RCC2: variants seen among roughly 807,000 people sequenced by gnomAD.
RCC2 encodes protein RCC2.
A neutral mutation model predicts 64.1 loss-of-function variants in RCC2; 19 were observed. The ratio of observed to expected loss-of-function variants is 0.30; its 90% CI spans 0.21 to 0.44. The LOEUF is 0.44. Ranked by LOEUF, RCC2 falls within the 20% of genes least tolerant of loss-of-function variation. The pLI is 1.00. For missense variants in RCC2, 508 were observed against 710.4 expected (o/e 0.72, Z 3.24); for synonymous variants, 325 against 279.6 (o/e 1.16, Z -1.62).
Position 17,413,594 on chromosome 1 carries a change from G to C in RCC2, c.1150C>G (p.Arg384Gly), listed in dbSNP as rs759823799. The part of the protein sequence containing the change: ...RLVKLFDFPG[R>G]GASQIYAGYT... ...CCAGCATAGATCTGGGAAGCCCCAC[G>C]CCCAGGGAAGTCAAACAGCTTCACC... The change falls in exon 9 of 13, where the codon CGT becomes GGT. Residue 384 changes from arginine (R) to glycine (G), a missense_variant. Arg to Gly is a moderately radical substitution (Grantham distance 125, BLOSUM62 -2). Around this residue, in one of 4 missense-constraint regions of RCC2, gnomAD observed 179 missense variants for 322.0 expected, o/e 0.56. Transcript: ENST00000375436. 1 of 1,614,012 alleles carries C rather than the reference G, an allele frequency of 6.2e-7. No individual in the cohort carries two copies. Among genetic ancestry groups the C allele is most frequent in the East Asian group, 2.2e-5 (1 of 44,880 alleles).
At chr1:17,416,404 G>A in intron 8 of RCC2, 76 bp downstream of exon 8, 2 of 1,486,252 alleles carry the variant, frequency 1.3e-6, no homozygotes, top group Admixed American at 1.9e-5. Flanking sequence ...CCAAAGCCAA[G>A]CGTCAGGAAA....
Position 17,410,077 on chromosome 1 carries a change from A to G in RCC2, c.1387-26T>C, listed in dbSNP as rs746199708. On this transcript the variant is annotated intron_variant, in intron 11 of 12. Transcript: ENST00000375436. ...CTGGCGAAGCAAACAAGATGTTCGC[A>G]ATCGAGGATCCATGTGGCTCAGTCC... 6.2e-6 allele frequency: 10 copies of G among 1,607,474 alleles called. No homozygotes were observed. In the Admixed American group the frequency reaches 1.7e-4, roughly 27 times the overall value.
intron 2 of RCC2, among the ~76,000 whole-genome samples, chr1:17,436,873 C>T (rs188460893): frequency 6.6e-6 from 1 of 152,318 alleles, no homozygotes; most frequent in East Asian, 1.9e-4. Context: ...GCAGACTAGA[C>T]GTCAAAGGAA....
intron 2 of RCC2, among the ~76,000 whole-genome samples, chr1:17,437,926 G>A (rs927671454): frequency 5.5e-5 from 8 of 144,868 alleles, no homozygotes; most frequent in Non-Finnish European, 1.2e-4. Flanking sequence ...GTGGGGGCGG[G>A]GCCATGACCC....
chr1:17,432,912 C>T (rs1381574970), intron 2 of RCC2, among the ~76,000 whole-genome samples: 3 of 151,934 alleles, frequency 2.0e-5, no homozygotes, highest in Non-Finnish European at 2.9e-5. Flanking sequence ...GAGCCGAGAT[C>T]GCGCCACTGC....
intron 2 of RCC2, among the ~76,000 whole-genome samples, chr1:17,437,760 CT>C: frequency 1.6e-4 from 1 of 6,248 alleles, no homozygotes. Flanking sequence ...CAAACGGCCG[CT>C]CCCCGCAGAG....
At chr1:17,415,775 A>G (rs2075475853) in intron 8 of RCC2, among the ~76,000 whole-genome samples, 1 of 151,620 alleles carries the variant, frequency 6.6e-6, no homozygotes, top group African/African-American at 2.4e-5. Context: ...TGACCTTTAA[A>G]GAAACAACCT....
At chr1:17,413,254 G>A in intron 9 of RCC2, 76 bp from the exon 10 acceptor site, 1 of 1,112,598 alleles carries the variant, frequency 9.0e-7, no homozygotes, top group Non-Finnish European at 1.3e-6. Flanking sequence ...TTATCAGGGT[G>A]AAAAGAGGAC....
intron 8 of RCC2, 52 bp from the exon 9 acceptor site, chr1:17,413,769 CAA>C: frequency 6.7e-7 from 1 of 1,503,358 alleles, no homozygotes; most frequent in Non-Finnish European, 9.1e-7. Context: ...CAACAGGCAA[CAA>C]GAGGGGTCAT....
At chr1:17,439,091 C>T (rs902815501) in intron 1 of RCC2, among the ~76,000 whole-genome samples, 1 of 152,106 alleles carries the variant, frequency 6.6e-6, no homozygotes, top group East Asian at 1.9e-4. Context: ...CGACCTCGGG[C>T]TCTAGTTAGC....
intron 10 of RCC2, 42 bp from the exon 11 acceptor site, chr1:17,412,236 G>A: frequency 1.3e-6 from 2 of 1,594,314 alleles, no homozygotes; most frequent in Non-Finnish European, 1.7e-6. Context: ...AGCAGCCCCA[G>A]ACCTGCACCC....
At chr1:17,416,924 A>G (rs1414790859) in intron 7 of RCC2, among the ~76,000 whole-genome samples, 1 of 152,244 alleles carries the variant, frequency 6.6e-6, no homozygotes, top group Non-Finnish European at 1.5e-5. Flanking sequence ...TAATGGCACC[A>G]TGTTACAACA....
intron 2 of RCC2, among the ~76,000 whole-genome samples, chr1:17,436,678 T>C (rs546842058): frequency 6.6e-5 from 10 of 152,282 alleles, no homozygotes; most frequent in African/African-American, 2.4e-4. Flanking sequence ...GATGGCAAAA[T>C]TCAGCGTTCC....
chr1:17,418,491 T>C (rs2075515495), intron 7 of RCC2, among the ~76,000 whole-genome samples: 1 of 152,148 alleles, frequency 6.6e-6, no homozygotes, highest in Non-Finnish European at 1.5e-5. Context: ...ACCCCGTCTC[T>C]ACCAAAAATA....
chr1:17,438,062 T>A (rs1404440690), intron 2 of RCC2, among the ~76,000 whole-genome samples, 168 bp downstream of exon 2: 1 of 145,476 alleles, frequency 6.9e-6, no homozygotes, highest in Non-Finnish European at 1.5e-5. Context: ...CGAGCCCTTT[T>A]GTTGCGCGGA....
chr1:17,433,456 G>C (rs1441659421), intron 2 of RCC2, among the ~76,000 whole-genome samples: 3 of 152,204 alleles, frequency 2.0e-5, no homozygotes, highest in Admixed American at 1.3e-4. Flanking sequence ...GGGTGTGTGG[G>C]TGTCTGAAGC....
At chr1:17,437,557 G>A (rs929942752) in intron 2 of RCC2, among the ~76,000 whole-genome samples, 1 of 143,544 alleles carries the variant, frequency 7.0e-6, no homozygotes, top group Admixed American at 7.1e-5. Context: ...CTTCACTTGG[G>A]GGGGCTACAA....
intron 8 of RCC2, among the ~76,000 whole-genome samples, chr1:17,414,761 C>T (rs745612883): frequency 1.3e-5 from 2 of 151,966 alleles, no homozygotes; most frequent in Non-Finnish European, 2.9e-5. Context: ...CCTCCCAAGT[C>T]GCTAGGACTT....
At chr1:17,422,984 A>G (rs1257076321) in intron 4 of RCC2, 148 bp from the exon 5 acceptor site, 5 of 1,046,862 alleles carry the variant, frequency 4.8e-6, no homozygotes, top group African/African-American at 1.6e-5. Context: ...GATCCAGAGC[A>G]AAGAACGCCC....
Sources: gnomAD v4.1 joint callset for allele counts (sites outside exome capture counted in the v4.1 genomes callset) on GRCh38, gnomAD v4.1.1 for gene constraint, gnomAD v4.1.1 regional missense constraint, MANE v1.5 for transcripts, NCBI Gene and HGNC (gene_info 2026-07-23, HGNC 2026-07-21) for gene names.